The following ZXDC variants were observed in gnomAD, a reference collection of about 807,000 sequenced individuals.
ZXDC encodes the protein zinc finger protein ZXDC.
In ZXDC, 58 loss-of-function variants were observed where a neutral mutation model predicts 63.6. That is an observed-to-expected ratio of 0.91 (90% confidence interval 0.74 to 1.13). The LOEUF (loss-of-function observed/expected upper bound fraction) is 1.13. Among genes scored for constraint, ZXDC ranks in the 50% most tolerant of loss-of-function variants. The probability of loss-of-function intolerance (pLI) is 0.00; values close to 1 mark genes in which losing one functional copy is unlikely to be tolerated. For missense variants in ZXDC, 1,133 were observed against 1,148.9 expected (o/e 0.99, Z 0.20); for synonymous variants, 561 against 496.1 (o/e 1.13, Z -1.74).
chr3:126,454,296 T>C, intron 7 of ZXDC: 2 of 984,576 alleles, frequency 2.0e-6, no homozygotes, highest in Non-Finnish European at 2.4e-6. Flanking sequence ...TTCTATTGGC[T>C]TTTACATTGT....
At chr3:126,456,041 T>G (rs1191393542) in intron 7 of ZXDC, among the ~76,000 whole-genome samples, 1 of 152,038 alleles carries the variant, frequency 6.6e-6, no homozygotes, top group African/African-American at 2.4e-5. Flanking sequence ...ATTGAATCCA[T>G]ACTGCGAATA....
Position 126,468,469 on chromosome 3 carries a change from T to G in ZXDC, c.1271-2144A>C, listed in dbSNP as rs529516976. Among the ~76,000 whole-genome samples the G allele has an allele frequency of 4.6e-5, 7 of 152,174 alleles. No homozygotes were observed. The East Asian group carries it at 1.2e-3, about 25-fold the overall frequency. ...GTCCAGCTGAGAAGAGGTTCTGGGC[T>G]CCTCCCACCAGCTCCAACTCCATCT... is the stretch of plus-strand genomic sequence containing the variant. On this transcript the variant is annotated intron_variant, in intron 4 of 9. Coordinates refer to ENST00000389709, the MANE Select transcript of ZXDC (RefSeq NM_025112.5).
intron 7 of ZXDC, chr3:126,454,064 ATT>A (rs11375010): frequency 7.3e-5 from 47 of 643,878 alleles, no homozygotes; most frequent in African/African-American, 1.2e-4. Flanking sequence ...ATATATATAT[ATT>A]TTTTTTTTTG....
At position 126,466,238 on chromosome 3, in the gene ZXDC, C is replaced by A. The variant is rs770659866; in HGVS notation, c.1358G>T (p.Cys453Phe). 6.2e-7 allele frequency: 1 copy of A among 1,614,210 alleles called. No homozygotes were observed. The highest frequency in any genetic ancestry group is 1.1e-5 in the South Asian group (1 of 91,084). ...VQDVGAPKSRCPVSTCNRLFT... is the reference protein window; with the variant it reads ...VQDVGAPKSRFPVSTCNRLFT... ...GAGTCTGTTGCAGGTAGAAACTGGG[C>A]AACGGCTTTTCGGAGCACCCACATC... is the stretch of plus-strand genomic sequence containing the variant. The change falls in exon 5 of 10, where the codon TGC becomes TTC. Residue 453 changes from cysteine (C) to phenylalanine (F), a missense_variant. Physicochemically the swap from Cys to Phe is radical, Grantham distance 205. Coordinates refer to ENST00000389709, the MANE Select transcript of ZXDC (RefSeq NM_025112.5).
intron 6 of ZXDC, chr3:126,461,080 C>G: frequency 1.0e-6 from 1 of 985,536 alleles, no homozygotes; most frequent in Non-Finnish European, 1.2e-6. Context: ...ATAAACCCCA[C>G]CCTTTTTTTT....
intron 5 of ZXDC, among the ~76,000 whole-genome samples, chr3:126,462,456 C>T (rs976047611): frequency 2.0e-5 from 3 of 152,128 alleles, no homozygotes; most frequent in Non-Finnish European, 4.4e-5. Flanking sequence ...TTTACGTACG[C>T]GTCTTGGATC....
chr3:126,440,295 C>T (rs911443625), intron 8 of ZXDC: 139 of 988,628 alleles, frequency 1.4e-4, no homozygotes, highest in African/African-American at 6.3e-4. Flanking sequence ...ATTCACACCC[C>T]GAAGCGGAGC....
At chr3:126,456,224 C>A (rs1934303021) in intron 7 of ZXDC, among the ~76,000 whole-genome samples, 1 of 152,254 alleles carries the variant, frequency 6.6e-6, no homozygotes, top group Admixed American at 6.5e-5. Context: ...AAAGGGTTAA[C>A]CCTGCCAGAG....
intron 7 of ZXDC, chr3:126,451,383 A>G (rs1342747660): frequency 2.0e-6 from 2 of 985,324 alleles, no homozygotes; most frequent in Non-Finnish European, 2.4e-6. Flanking sequence ...AGTTACAAAT[A>G]TTATAAACAG....
chr3:126,463,241 T>A (rs1934628410), intron 5 of ZXDC, among the ~76,000 whole-genome samples: 1 of 152,036 alleles, frequency 6.6e-6, no homozygotes, highest in South Asian at 2.1e-4. Context: ...GCTAATTTTT[T>A]TGTGTTTTTA....
At chr3:126,449,128 GC>G (rs1262848196) in intron 7 of ZXDC, among the ~76,000 whole-genome samples, 1 of 152,072 alleles carries the variant, frequency 6.6e-6, no homozygotes, top group Non-Finnish European at 1.5e-5. Context: ...TACACACAAA[GC>G]CCTGCCACTC....
At chr3:126,450,030 C>T (rs1041237513) in intron 7 of ZXDC, among the ~76,000 whole-genome samples, 1 of 152,200 alleles carries the variant, frequency 6.6e-6, no homozygotes, top group African/African-American at 2.4e-5. Context: ...AGTTCACTGC[C>T]ACCAAGCACC....
At chr3:126,444,359 C>A (rs1008123764) in intron 7 of ZXDC, among the ~76,000 whole-genome samples, 2 of 152,082 alleles carry the variant, frequency 1.3e-5, no homozygotes, top group Admixed American at 6.6e-5. Context: ...GGTGAAACCT[C>A]GTCTCTACTA....
intron 5 of ZXDC, among the ~76,000 whole-genome samples, chr3:126,463,876 A>G (rs982459885): frequency 1.4e-4 from 22 of 152,240 alleles, no homozygotes; most frequent in African/African-American, 4.8e-4. Context: ...CAAAAAGAAA[A>G]TCAAATTCAG....
rs531944271 is a variant in ZXDC, at chr3:126,441,685, C to T, written c.2394+80G>A. 60 of 1,452,450 alleles carry T rather than the reference C, an allele frequency of 4.1e-5. No homozygotes were observed. The East Asian group carries it at 1.2e-3, about 30-fold the overall frequency. 90.0% of individuals were successfully genotyped at this position (1,452,450 alleles called of 1,614,324 possible). A position where few individuals can be genotyped will look rare whatever the true frequency, so the allele number is the denominator to read the frequency against. On this transcript the variant is annotated intron_variant, in intron 8 of 9. Transcript: ENST00000389709. Reference sequence around the variant, plus strand: ...GGGGTGCTGCGATGGGCAGGGGATGCAGCATGCCGCACACTGCTCAGACCT... The same window carrying T: ...GGGGTGCTGCGATGGGCAGGGGATGTAGCATGCCGCACACTGCTCAGACCT...
rs758626534 is a variant in ZXDC, at chr3:126,438,097, C to T, written c.*278G>A. The T allele has an allele frequency of 1.4e-4, 69 of 510,518 alleles. No individual in the cohort carries two copies. Among genetic ancestry groups the T allele is most frequent in the South Asian group, 4.0e-4 (19 of 47,194 alleles). The allele number at this position is 510,518 out of a possible 1,614,324, so 31.6% of individuals were successfully genotyped here. A position where few individuals can be genotyped will look rare whatever the true frequency, so the allele number is the denominator to read the frequency against. ...TACACAGCTCAGATCCAACGGGACA[C>T]GGGGAAAGAGGCTGTAGTGCACCTA... On this transcript the variant is annotated 3_prime_UTR_variant, in exon 10 of 10. Transcript: ENST00000389709.
intron 7 of ZXDC, chr3:126,450,598 C>G (rs765336088): frequency 4.4e-6 from 2 of 452,438 alleles, no homozygotes; most frequent in Admixed American, 4.7e-5. Context: ...CCGGACTGAC[C>G]GCCCCTGCTG....
chr3:126,439,811 G>A, intron 8 of ZXDC, 84 bp from the exon 9 acceptor site: 2 of 1,475,592 alleles, frequency 1.4e-6, no homozygotes, highest in Non-Finnish European at 9.0e-7. Flanking sequence ...GTCTCCTCCA[G>A]CTGCAATGCG....
chr3:126,473,260 C>A (rs756092205), intron 1 of ZXDC, among the ~76,000 whole-genome samples: 3 of 152,182 alleles, frequency 2.0e-5, no homozygotes, highest in Admixed American at 6.5e-5. Context: ...AAGAACCCCC[C>A]ACACCCCCAT....
Sources: allele counts gnomAD v4.1 joint callset (sites outside exome capture counted in the v4.1 genomes callset), GRCh38; gene constraint gnomAD v4.1.1; transcripts MANE v1.5; gene names NCBI Gene and HGNC (gene_info 2026-07-23, HGNC 2026-07-21).